The following PTCHD4 variants were observed in gnomAD, a reference collection of about 807,000 sequenced individuals.
The protein encoded by PTCHD4 is patched domain-containing protein 4.
Under a neutral mutation model 58.1 loss-of-function variants are expected in PTCHD4, and 33 were observed. That is an observed-to-expected ratio of 0.57 (90% CI 0.43 to 0.76). PTCHD4 has a LOEUF of 0.76. PTCHD4 is among the 30% of genes least tolerant of loss of function. The probability of loss-of-function intolerance (pLI) is 0.00; values close to 1 mark genes in which losing one functional copy is unlikely to be tolerated. For missense variants in PTCHD4, 1,058 were observed against 1,027.1 expected (o/e 1.03, Z -0.41); for synonymous variants, 478 against 409.6 (o/e 1.17, Z -2.02).
intron 3 of PTCHD4, among the ~76,000 whole-genome samples, chr6:48,064,869 G>A (rs1285572362): frequency 6.6e-6 from 1 of 152,148 alleles, no homozygotes; most frequent in East Asian, 1.9e-4. Flanking sequence ...CAGAGGTCAT[G>A]TCATATAGAT....
chr6:47,959,971 A>T (rs1000500972), intron 4 of PTCHD4, among the ~76,000 whole-genome samples: 2 of 152,082 alleles, frequency 1.3e-5, no homozygotes, highest in African/African-American at 4.8e-5. Flanking sequence ...TTAATATTTT[A>T]AGAAGATAGT....
intron 1 of PTCHD4, among the ~76,000 whole-genome samples, chr6:48,098,282 T>G (rs912343306): frequency 6.7e-6 from 1 of 150,196 alleles, no homozygotes; most frequent in Non-Finnish European, 1.5e-5. Context: ...ATGAGATAAG[T>G]CAAGGATGGA....
At chr6:47,906,962 G>C (rs1169155997) in intron 4 of PTCHD4, among the ~76,000 whole-genome samples, 1 of 152,172 alleles carries the variant, frequency 6.6e-6, no homozygotes, top group Non-Finnish European at 1.5e-5. Context: ...AAAGAGACAG[G>C]AAATGTCAAC....
chr6:47,936,003 T>C (rs1239091945), intron 4 of PTCHD4, among the ~76,000 whole-genome samples: 1 of 152,212 alleles, frequency 6.6e-6, no homozygotes, highest in Non-Finnish European at 1.5e-5. Flanking sequence ...ATGGGCATTG[T>C]AGGCCATTCA....
chr6:47,942,292 A>AAT (rs1338103894), intron 4 of PTCHD4, among the ~76,000 whole-genome samples: 8 of 152,256 alleles, frequency 5.3e-5, no homozygotes, highest in Admixed American at 5.2e-4. Context: ...ATGGTCTCAG[A>AAT]ATAACTATTT....
At chr6:48,109,184 A>G (rs1765809934) in intron 1 of PTCHD4, among the ~76,000 whole-genome samples, 1 of 152,124 alleles carries the variant, frequency 6.6e-6, no homozygotes, top group African/African-American at 2.4e-5. Context: ...TAAGGGACTT[A>G]TGAGTTGTCT....
At chr6:48,062,656 A>G (rs544136796) in intron 3 of PTCHD4, among the ~76,000 whole-genome samples, 1 of 152,286 alleles carries the variant, frequency 6.6e-6, no homozygotes, top group South Asian at 2.1e-4. Context: ...TCAATAAAAG[A>G]ACTTATCCCA....
At chr6:47,880,105 G>A (rs892149194) in intron 4 of PTCHD4, among the ~76,000 whole-genome samples, 169 bp from the exon 5 acceptor site, 1 of 152,022 alleles carries the variant, frequency 6.6e-6, no homozygotes, top group African/African-American at 2.4e-5. Context: ...GATACATTTG[G>A]TCCCTGTTTC....
chr6:47,980,867 T>C (rs1277682112), intron 4 of PTCHD4, among the ~76,000 whole-genome samples: 2 of 151,934 alleles, frequency 1.3e-5, no homozygotes. Flanking sequence ...AACATTTTAA[T>C]ATTTATAATA....
intron 4 of PTCHD4, among the ~76,000 whole-genome samples, chr6:47,950,821 G>A (rs1727257035): frequency 6.6e-6 from 1 of 152,084 alleles, no homozygotes; most frequent in African/African-American, 2.4e-5. Flanking sequence ...AAGTTGGGAA[G>A]ATGAAGAAAA....
intron 1 of PTCHD4, among the ~76,000 whole-genome samples, chr6:48,076,633 G>A (rs1211378752): frequency 2.6e-5 from 4 of 152,196 alleles, no homozygotes; most frequent in Non-Finnish European, 5.9e-5. Flanking sequence ...GAGCTGGTGG[G>A]TAACCAGGTG....
intron 3 of PTCHD4, among the ~76,000 whole-genome samples, chr6:48,040,633 G>T (rs1763811925): frequency 6.6e-6 from 1 of 152,066 alleles, no homozygotes; most frequent in Non-Finnish European, 1.5e-5. Flanking sequence ...TTAAGAAAGA[G>T]AAAAAGTAAA....
At position 47,880,273 on chromosome 6, in the gene PTCHD4, G is replaced by A. The variant is rs114070716; in HGVS notation, c.899-337C>T. 2.8e-3 allele frequency among the ~76,000 whole-genome samples: 427 copies of A among 152,272 alleles called. 3 individuals carry two copies. The highest frequency in any genetic ancestry group is 9.6e-3 in the African/African-American group (397 of 41,564). Reference sequence around the variant, plus strand: ...TTCCTAAATAGACAGTTTTGTCAACGGCAGGGGCCGTTATTTGTGCGCCTT... The same window carrying A: ...TTCCTAAATAGACAGTTTTGTCAACAGCAGGGGCCGTTATTTGTGCGCCTT... On this transcript the variant is annotated intron_variant, in intron 4 of 4. Transcript: ENST00000339488.
chr6:47,981,245 G>A (rs1767872112), intron 4 of PTCHD4, among the ~76,000 whole-genome samples: 1 of 151,524 alleles, frequency 6.6e-6, no homozygotes, highest in African/African-American at 2.4e-5. Context: ...TGTTCTTTTT[G>A]TTTCATTTTG....
At chr6:47,979,086 G>A (rs892698116) in intron 4 of PTCHD4, among the ~76,000 whole-genome samples, 11 of 152,036 alleles carry the variant, frequency 7.2e-5, no homozygotes, top group Non-Finnish European at 1.2e-4. Flanking sequence ...AGCTTACCAC[G>A]TGAGTCTATT....
At chr6:48,000,534 A>C (rs960781806) in intron 4 of PTCHD4, among the ~76,000 whole-genome samples, 2 of 152,136 alleles carry the variant, frequency 1.3e-5, no homozygotes, top group African/African-American at 4.8e-5. Flanking sequence ...TCTTTAATTC[A>C]GTCTCCAGTT....
At chr6:48,032,585 T>C (rs1230228131) in intron 3 of PTCHD4, among the ~76,000 whole-genome samples, 1 of 152,124 alleles carries the variant, frequency 6.6e-6, no homozygotes, top group African/African-American at 2.4e-5. Context: ...TACAAAGCAA[T>C]AACATATTGT....
intron 4 of PTCHD4, among the ~76,000 whole-genome samples, chr6:47,956,668 C>T (rs1561977060): frequency 6.6e-6 from 1 of 152,022 alleles, no homozygotes; most frequent in Non-Finnish European, 1.5e-5. Flanking sequence ...CTCCTGACCT[C>T]GCGATCTGCC....
At chr6:47,899,586 G>GT in intron 4 of PTCHD4, 4 of 982,736 alleles carry the variant, frequency 4.1e-6, no homozygotes, top group Non-Finnish European at 4.8e-6. Context: ...TAGAAAAAAA[G>GT]AAATGGAAAG....
Sources: gnomAD v4.1 joint callset for allele counts (sites outside exome capture counted in the v4.1 genomes callset) on GRCh38, gnomAD v4.1.1 for gene constraint, MANE v1.5 for transcripts, NCBI Gene and HGNC (gene_info 2026-07-23, HGNC 2026-07-21) for gene names.